TRAPPC9: variants seen among roughly 807,000 people sequenced by gnomAD.
TRAPPC9 encodes IKK2 binding protein.
A neutral mutation model predicts 124.0 loss-of-function variants in TRAPPC9; 83 were observed. That is an observed-to-expected ratio of 0.67 (90% CI 0.56 to 0.80). The LOEUF (loss-of-function observed/expected upper bound fraction) is 0.80, where lower values mean the gene tolerates loss of function less well. Among genes scored for constraint, TRAPPC9 ranks in the 30% least tolerant of loss-of-function variants. The pLI is 0.00. For missense variants in TRAPPC9, 1,302 were observed against 1,508.3 expected (o/e 0.86, Z 2.27); for synonymous variants, 638 against 617.5 (o/e 1.03, Z -0.49).
chr8:140,055,170 C>T (rs546297897), intron 17 of TRAPPC9, among the ~76,000 whole-genome samples: 78 of 152,286 alleles, frequency 5.1e-4, no homozygotes, highest in African/African-American at 1.8e-3. Context: ...TTCAACAACA[C>T]ATTAACTAAG....
At chr8:140,212,938 G>T (rs528544519) in intron 17 of TRAPPC9, among the ~76,000 whole-genome samples, 1 of 151,608 alleles carries the variant, frequency 6.6e-6, no homozygotes, top group South Asian at 2.1e-4. Flanking sequence ...GCATGGTGGC[G>T]CACACCTGTA....
chr8:139,822,245 C>A (rs1825303097), intron 21 of TRAPPC9, among the ~76,000 whole-genome samples: 1 of 152,176 alleles, frequency 6.6e-6, no homozygotes, highest in Non-Finnish European at 1.5e-5. Flanking sequence ...AACACCAGCA[C>A]CCAGGAAGCA....
intron 19 of TRAPPC9, among the ~76,000 whole-genome samples, chr8:139,964,272 G>C (rs1242310110): frequency 6.6e-6 from 1 of 151,562 alleles, no homozygotes; most frequent in African/African-American, 2.4e-5. Flanking sequence ...GGAGGCCAGG[G>C]AAGGCCTCAG....
chr8:139,884,645 C>T (rs183648846), intron 21 of TRAPPC9, among the ~76,000 whole-genome samples: 1 of 152,230 alleles, frequency 6.6e-6, no homozygotes, highest in African/African-American at 2.4e-5. Context: ...ACACGGCTGA[C>T]TGTGCTCAGG....
At chr8:140,277,525 C>T (rs2065163481) in intron 14 of TRAPPC9, among the ~76,000 whole-genome samples, 1 of 152,238 alleles carries the variant, frequency 6.6e-6, no homozygotes, top group Non-Finnish European at 1.5e-5. Context: ...TATTTTGTGT[C>T]TCAAACAACA....
chr8:139,924,911 T>C (rs2131353812), intron 19 of TRAPPC9, among the ~76,000 whole-genome samples: 3 of 152,302 alleles, frequency 2.0e-5, no homozygotes, highest in Middle Eastern at 6.8e-3. Context: ...TTAGATCACC[T>C]GAATGACTTT....
chr8:140,261,091 T>C (rs183548021), intron 15 of TRAPPC9, among the ~76,000 whole-genome samples: 2 of 152,240 alleles, frequency 1.3e-5, no homozygotes, highest in Admixed American at 1.3e-4. Context: ...ATGGAGACCA[T>C]GTTAGAGGTG....
At chr8:140,212,367 T>C (rs2063080289) in intron 17 of TRAPPC9, among the ~76,000 whole-genome samples, 1 of 152,270 alleles carries the variant, frequency 6.6e-6, no homozygotes, top group Admixed American at 6.5e-5. Flanking sequence ...TTTTCCATTT[T>C]CAGTTTGCCA....
chr8:140,211,006 C>T (rs559084028), intron 17 of TRAPPC9, among the ~76,000 whole-genome samples: 5 of 151,930 alleles, frequency 3.3e-5, no homozygotes, highest in Non-Finnish European at 7.4e-5. Flanking sequence ...TGTTGTATAT[C>T]CTAGGGTTTT....
chr8:139,988,340 T>C (rs572208019), intron 19 of TRAPPC9, among the ~76,000 whole-genome samples: 7 of 152,018 alleles, frequency 4.6e-5, no homozygotes, highest in South Asian at 4.2e-4. Context: ...CTTGAACTCC[T>C]GATCTCAGGT....
At chr8:140,308,393 G>A (rs748610330) in intron 10 of TRAPPC9, among the ~76,000 whole-genome samples, 12 of 151,224 alleles carry the variant, frequency 7.9e-5, no homozygotes, top group African/African-American at 1.9e-4. Context: ...TTGACCGGTC[G>A]TACTGAGGTT....
chr8:140,301,831 G>A (rs531624043), intron 10 of TRAPPC9, among the ~76,000 whole-genome samples: 3 of 152,170 alleles, frequency 2.0e-5, no homozygotes, highest in South Asian at 2.1e-4. Context: ...TCGGCTGCAC[G>A]GCCATGGTGA....
intron 21 of TRAPPC9, among the ~76,000 whole-genome samples, chr8:139,848,130 G>C (rs1827218013): frequency 6.6e-6 from 1 of 152,238 alleles, no homozygotes; most frequent in South Asian, 2.1e-4. Context: ...AGCAGGTATG[G>C]AGGGACAGGC....
chr8:140,123,545 T>C (rs2061026843), intron 17 of TRAPPC9, among the ~76,000 whole-genome samples: 1 of 152,158 alleles, frequency 6.6e-6, no homozygotes, highest in African/African-American at 2.4e-5. Flanking sequence ...GACATACTGC[T>C]TCCTCTCCAG....
At chr8:139,899,586 T>C (rs1830894279) in intron 20 of TRAPPC9, among the ~76,000 whole-genome samples, 1 of 152,140 alleles carries the variant, frequency 6.6e-6, no homozygotes, top group East Asian at 1.9e-4. Context: ...TTCACACCTG[T>C]GTTGTTCAAG....
At chr8:139,924,267 G>A (rs892603747) in intron 19 of TRAPPC9, among the ~76,000 whole-genome samples, 4 of 152,288 alleles carry the variant, frequency 2.6e-5, no homozygotes, top group South Asian at 2.1e-4. Flanking sequence ...TTGAAAAGCC[G>A]CAGGCCAAGC....
At chr8:140,292,495 C>G (rs978725523) in intron 11 of TRAPPC9, among the ~76,000 whole-genome samples, 4 of 152,194 alleles carry the variant, frequency 2.6e-5, no homozygotes, top group Non-Finnish European at 2.9e-5. Context: ...ACTTTCAGAG[C>G]TTTCATAAGC....
chr8:140,296,226 TAC>T (rs1445814938), intron 11 of TRAPPC9, among the ~76,000 whole-genome samples: 1 of 152,192 alleles, frequency 6.6e-6, no homozygotes, highest in Non-Finnish European at 1.5e-5. Flanking sequence ...CTTCAACAAA[TAC>T]AGATTGTAAT....
chr8:139,844,456 C>G (rs528955112), intron 21 of TRAPPC9, among the ~76,000 whole-genome samples: 1 of 152,236 alleles, frequency 6.6e-6, no homozygotes, highest in Non-Finnish European at 1.5e-5. Context: ...CGTTCCTTCC[C>G]TGCTCTTTCT....
Sources: allele counts gnomAD v4.1 joint callset (sites outside exome capture counted in the v4.1 genomes callset), GRCh38; gene constraint gnomAD v4.1.1; transcripts MANE v1.5; gene names NCBI Gene and HGNC (gene_info 2026-07-23, HGNC 2026-07-21).